Variants in KAZN observed in about 807,000 individuals in gnomAD.
KAZN encodes the protein kazrin.
KAZN carries 40 observed loss-of-function variants against 87.4 expected under a neutral mutation model. The ratio of observed to expected loss-of-function variants is 0.46; its 90% CI spans 0.36 to 0.60. The LOEUF (loss-of-function observed/expected upper bound fraction) is 0.60. Among genes scored for constraint, KAZN ranks in the 20% least tolerant of loss-of-function variants. The pLI is 0.00. For synonymous variants in KAZN, 466 were observed against 458.3 expected (o/e 1.02, Z -0.22); for missense variants, 898 against 1,073.9 (o/e 0.84, Z 2.29).
chr1:14,382,845 G>T (rs1014015021), intron 2 of KAZN, among the ~76,000 whole-genome samples: 1 of 151,874 alleles, frequency 6.6e-6, no homozygotes, highest in African/African-American at 2.4e-5. Context: ...GTAATGGGAT[G>T]GCTGGGTCAA....
intron 2 of KAZN, among the ~76,000 whole-genome samples, chr1:14,322,566 C>G (rs1243536516): frequency 6.6e-6 from 1 of 152,206 alleles, no homozygotes; most frequent in Non-Finnish European, 1.5e-5. Flanking sequence ...TGCTCCCAGT[C>G]TCCTACCTAA....
At chr1:14,333,202 C>A (rs1488772891) in intron 2 of KAZN, among the ~76,000 whole-genome samples, 2 of 152,122 alleles carry the variant, frequency 1.3e-5, no homozygotes, top group Non-Finnish European at 2.9e-5. Flanking sequence ...CATGTCCCTG[C>A]AAGGGACATG....
At position 14,215,329 on chromosome 1, in the gene KAZN, G is replaced by C. The variant is rs569663509; in HGVS notation, c.249+34737G>C. Among the ~76,000 whole-genome samples, 15 of 152,300 alleles carry C rather than the reference G, an allele frequency of 9.8e-5. 1 individual carries two copies. The highest frequency in any genetic ancestry group is 3.4e-4 in the African/African-American group (14 of 41,560). On this transcript the variant is annotated intron_variant, in intron 2 of 16. Transcript: ENST00000636203. Reference sequence around the variant, plus strand: ...CAGGAGAGTCCCCAGAGTGTGGCTTGTAGGATTTATTTAACCAAAATGATT... The same window carrying C: ...CAGGAGAGTCCCCAGAGTGTGGCTTCTAGGATTTATTTAACCAAAATGATT...
chr1:14,828,387 T>C (rs939209724), intron 1 of KAZN, among the ~76,000 whole-genome samples: 1 of 152,216 alleles, frequency 6.6e-6, no homozygotes, highest in Non-Finnish European at 1.5e-5. Context: ...AAATTATTAA[T>C]GGAAAACCGT....
At chr1:14,278,291 CTT>C (rs869207394) in intron 2 of KAZN, among the ~76,000 whole-genome samples, 20 of 135,030 alleles carry the variant, frequency 1.5e-4, no homozygotes, top group Non-Finnish European at 1.6e-4. Context: ...GCACTGATTC[CTT>C]TTTTTTTTTT....
chr1:14,570,205 C>G (rs1674780827), intron 2 of KAZN, among the ~76,000 whole-genome samples: 1 of 152,216 alleles, frequency 6.6e-6, no homozygotes, highest in Non-Finnish European at 1.5e-5. Context: ...ATTTTGTTAA[C>G]TAGGTTCCTT....
At chr1:14,483,762 T>C (rs1213376701) in intron 2 of KAZN, among the ~76,000 whole-genome samples, 1 of 152,234 alleles carries the variant, frequency 6.6e-6, no homozygotes, top group African/African-American at 2.4e-5. Context: ...CAGAGACTTT[T>C]TAGGTTAATC....
At position 14,920,423 on chromosome 1, in the gene KAZN, C is replaced by A. The variant is rs746249989; in HGVS notation, c.227-40261C>A. On this transcript the variant is annotated intron_variant, in intron 1 of 14. Coordinates refer to ENST00000376030, the MANE Select transcript of KAZN (RefSeq NM_201628.3). ...CTTTCCCCTCTGAAGTCACACTATG[C>A]CTCTGCTCTTTAAAATGAGTTGCCG... Among the ~76,000 whole-genome samples the A allele has an allele frequency of 3.3e-5, 5 of 151,864 alleles. No individual in the cohort carries two copies. In the South Asian group the frequency reaches 8.4e-4, roughly 25 times the overall value.
At chr1:14,982,417 ATTTTTTTTTT>A (rs71000353) in intron 2 of KAZN, among the ~76,000 whole-genome samples, 348 of 64,846 alleles carry the variant, frequency 5.4e-3, no homozygotes, top group Middle Eastern at 0.036. Flanking sequence ...AGCACCTGAG[ATTTTTTTTTT>A]TTTTTTTTTT....
At chr1:14,075,098 A>G (rs989115434) in intron 1 of KAZN, among the ~76,000 whole-genome samples, 5 of 152,192 alleles carry the variant, frequency 3.3e-5, no homozygotes, top group African/African-American at 1.2e-4. Context: ...CAGGAATGAA[A>G]TATTTGGCTC....
At chr1:13,953,203 G>C (rs1641420561) in intron 1 of KAZN, among the ~76,000 whole-genome samples, 1 of 152,160 alleles carries the variant, frequency 6.6e-6, no homozygotes, top group South Asian at 2.1e-4. Context: ...CATGTTGGAG[G>C]TGAATTTTGG....
chr1:14,232,666 T>C (rs1440747149), intron 2 of KAZN, among the ~76,000 whole-genome samples: 1 of 152,248 alleles, frequency 6.6e-6, no homozygotes, highest in Admixed American at 6.5e-5. Flanking sequence ...CTTAGTAGAA[T>C]GTTGCGTGAT....
chr1:15,071,058 T>TTATAAAA (rs1639483444), intron 8 of KAZN, among the ~76,000 whole-genome samples: 1 of 152,166 alleles, frequency 6.6e-6, no homozygotes, highest in Non-Finnish European at 1.5e-5. Flanking sequence ...AGCTTATTCT[T>TTATAAAA]TATAAAAGAG....
intron 1 of KAZN, among the ~76,000 whole-genome samples, chr1:14,655,735 TC>T (rs1487983172): frequency 6.6e-6 from 1 of 152,210 alleles, no homozygotes; most frequent in African/African-American, 2.4e-5. Flanking sequence ...AACTTTTGCA[TC>T]TACCGAATAA....
At chr1:15,070,675 T>C (rs896431009) in intron 8 of KAZN, among the ~76,000 whole-genome samples, 91 of 152,312 alleles carry the variant, frequency 6.0e-4, no homozygotes, top group African/African-American at 1.7e-3. Flanking sequence ...ATTTTTAAAA[T>C]ACCTCTGGGC....
In KAZN at chr1:14,151,022, A is replaced by G. The variant is rs529075317; in HGVS notation, c.92-29413A>G. Among the ~76,000 whole-genome samples, 3 of 152,336 alleles carry G rather than the reference A, an allele frequency of 2.0e-5. No homozygotes were observed. In the East Asian group the frequency reaches 5.8e-4, roughly 29 times the overall value. On this transcript the variant is annotated intron_variant, in intron 1 of 16. Transcript: ENST00000636203. ...CTCAATTATATATGTGAATGTACCT[A>G]CATTATAAAACTATGTGAACAGTGT...
chr1:14,103,728 G>C (rs1229554591), intron 1 of KAZN, among the ~76,000 whole-genome samples: 1 of 152,070 alleles, frequency 6.6e-6, no homozygotes, highest in Non-Finnish European at 1.5e-5. Context: ...GGGCTCACTT[G>C]GATAATCCAG....
chr1:15,091,980 AT>A (rs78788352), intron 8 of KAZN, among the ~76,000 whole-genome samples: 62,876 of 144,710 alleles, frequency 0.43, 15,363 homozygotes, highest in East Asian at 0.92. Flanking sequence ...ATGGATAAGC[AT>A]TTTTTTTTTA....
At chr1:14,379,257 G>T (rs560006914) in intron 2 of KAZN, among the ~76,000 whole-genome samples, 1 of 151,886 alleles carries the variant, frequency 6.6e-6, no homozygotes, top group East Asian at 1.9e-4. Context: ...GTACACCATG[G>T]TCCTTGGGTG....
Sources: gnomAD v4.1 joint callset for allele counts (sites outside exome capture counted in the v4.1 genomes callset) on GRCh38, gnomAD v4.1.1 for gene constraint, MANE v1.5 for transcripts, NCBI Gene and HGNC (gene_info 2026-07-23, HGNC 2026-07-21) for gene names.